Variants in GPC5 observed in about 807,000 individuals in gnomAD.
GPC5 encodes glypican-5.
In GPC5, 47 loss-of-function variants were observed where a neutral mutation model predicts 53.9. The observed-to-expected ratio is 0.87, with a 90% CI of 0.69 to 1.11. The LOEUF is 1.11. Among genes scored for constraint, GPC5 ranks in the 50% most tolerant of loss-of-function variants. GPC5 has a pLI of 0.00. For synonymous variants in GPC5, 286 were observed against 263.3 expected, an observed-to-expected ratio of 1.09 and a Z score of -0.84; for missense variants, 748 against 713.1, an observed-to-expected ratio of 1.05 and a Z score of -0.56.
chr13:91,648,318 G>GA (rs2139536272), intron 2 of GPC5, among the ~76,000 whole-genome samples: 1 of 152,084 alleles, frequency 6.6e-6, no homozygotes, highest in South Asian at 2.1e-4. Context: ...ATCTTTCCAT[G>GA]AAAAGCAAAA....
chr13:91,727,511 A>G (rs998014083), intron 3 of GPC5, among the ~76,000 whole-genome samples: 6 of 152,226 alleles, frequency 3.9e-5, no homozygotes, highest in Admixed American at 3.3e-4. Flanking sequence ...ATAACATTTA[A>G]TATATGTGCT....
chr13:92,671,124 G>A (rs1403656259), intron 7 of GPC5, among the ~76,000 whole-genome samples: 9 of 137,746 alleles, frequency 6.5e-5, no homozygotes, highest in Non-Finnish European at 1.3e-4. Context: ...CAACAGACAT[G>A]CTAGAAATCT....
At chr13:92,638,930 T>C (rs1468941181) in intron 7 of GPC5, among the ~76,000 whole-genome samples, 1 of 152,204 alleles carries the variant, frequency 6.6e-6, no homozygotes, top group Admixed American at 6.5e-5. Flanking sequence ...CAAATACAGA[T>C]TTTGAAAAAT....
intron 5 of GPC5, among the ~76,000 whole-genome samples, chr13:91,828,120 A>C (rs1450537895): frequency 6.6e-6 from 1 of 152,140 alleles, no homozygotes; most frequent in East Asian, 1.9e-4. Context: ...TTGAAATCTA[A>C]TGATGCACAA....
At chr13:92,154,896 T>C (rs562318921) in intron 7 of GPC5, among the ~76,000 whole-genome samples, 33 of 152,354 alleles carry the variant, frequency 2.2e-4, no homozygotes, top group African/African-American at 7.2e-4. Context: ...ACATTAAATA[T>C]AACACATTAT....
chr13:91,590,566 T>C (rs2032759714), intron 2 of GPC5, among the ~76,000 whole-genome samples: 2 of 152,318 alleles, frequency 1.3e-5, no homozygotes, highest in East Asian at 1.9e-4. Flanking sequence ...TGGTAATATA[T>C]TAGTAAATTT....
chr13:91,594,339 C>T (rs1248504926), intron 2 of GPC5, among the ~76,000 whole-genome samples: 1 of 152,108 alleles, frequency 6.6e-6, no homozygotes, highest in Non-Finnish European at 1.5e-5. Context: ...TGTATGGTCT[C>T]ATTATTTCTA....
chr13:92,846,318 A>G (rs887218194), intron 7 of GPC5, among the ~76,000 whole-genome samples: 15 of 152,172 alleles, frequency 9.9e-5, no homozygotes, highest in Non-Finnish European at 2.9e-5. Flanking sequence ...CACAATTTGG[A>G]TTATAATCCA....
chr13:91,966,726 C>T (rs763841229), intron 6 of GPC5, among the ~76,000 whole-genome samples: 33 of 152,096 alleles, frequency 2.2e-4, no homozygotes, highest in Non-Finnish European at 2.4e-4. Context: ...ATGCATTGAT[C>T]ATGAGCTGAA....
At chr13:91,479,406 A>G (rs974181397) in intron 2 of GPC5, among the ~76,000 whole-genome samples, 2 of 152,128 alleles carry the variant, frequency 1.3e-5, no homozygotes, top group Admixed American at 1.3e-4. Context: ...CAAATTGTAC[A>G]CTGTATGCAT....
chr13:92,254,344 C>T (rs973977690), intron 7 of GPC5, among the ~76,000 whole-genome samples: 2 of 152,082 alleles, frequency 1.3e-5, no homozygotes, highest in African/African-American at 4.8e-5. Context: ...TAGTGGAAAC[C>T]TCTTTGAAGA....
At chr13:92,380,993 C>A (rs2043734443) in intron 7 of GPC5, among the ~76,000 whole-genome samples, 1 of 152,078 alleles carries the variant, frequency 6.6e-6, no homozygotes, top group African/African-American at 2.4e-5. Flanking sequence ...TCCATGACCA[C>A]ATGAAAACCT....
At chr13:92,719,115 G>A (rs934144801) in intron 7 of GPC5, among the ~76,000 whole-genome samples, 15 of 151,628 alleles carry the variant, frequency 9.9e-5, no homozygotes, top group Admixed American at 4.6e-4. Flanking sequence ...AATAAAAAAT[G>A]TTGTCTCTAA....
chr13:92,060,733 A>G lies in GPC5; in HGVS notation c.1402-84097A>G, dbSNP rs1410802661. Among the ~76,000 whole-genome samples, 2 of 151,950 alleles carry G rather than the reference A, an allele frequency of 1.3e-5. 1 individual carries two copies. The highest frequency in any genetic ancestry group is 4.8e-5 in the African/African-American group (2 of 41,292). The stretch of plus-strand genomic sequence containing the variant: ...TATATCGAATAAAAAGGTGAAGTGT[A>G]ATTACATACAATGCTTGTCAAATTG... On this transcript the variant is annotated intron_variant, in intron 6 of 7. Transcript: ENST00000377067.
chr13:91,878,255 A>C (rs1037676453), intron 5 of GPC5, among the ~76,000 whole-genome samples: 1 of 152,214 alleles, frequency 6.6e-6, no homozygotes, highest in Admixed American at 6.5e-5. Context: ...CCTCATAGTT[A>C]TAACACTATT....
intron 2 of GPC5, among the ~76,000 whole-genome samples, chr13:91,487,598 T>C (rs1883687494): frequency 6.6e-6 from 1 of 152,208 alleles, no homozygotes; most frequent in Non-Finnish European, 1.5e-5. Context: ...CGTGGTGTTA[T>C]ATTTTGGGGT....
At chr13:92,485,224 C>A (rs990652820) in intron 7 of GPC5, among the ~76,000 whole-genome samples, 2 of 152,098 alleles carry the variant, frequency 1.3e-5, no homozygotes, top group Non-Finnish European at 2.9e-5. Context: ...TGTTTTTATG[C>A]AATATATTTT....
At chr13:91,481,934 T>C (rs1292305681) in intron 2 of GPC5, among the ~76,000 whole-genome samples, 1 of 152,082 alleles carries the variant, frequency 6.6e-6, no homozygotes, top group Non-Finnish European at 1.5e-5. Context: ...GGAATCTGGG[T>C]CCACTAGACA....
At chr13:92,819,383 C>T (rs1877598196) in intron 7 of GPC5, among the ~76,000 whole-genome samples, 1 of 152,092 alleles carries the variant, frequency 6.6e-6, no homozygotes. Flanking sequence ...AAGAAGTTGG[C>T]CCTACAAAAC....
Sources: gnomAD v4.1 joint callset for allele counts (sites outside exome capture counted in the v4.1 genomes callset) on GRCh38, gnomAD v4.1.1 for gene constraint, MANE v1.5 for transcripts, NCBI Gene and HGNC (gene_info 2026-07-23, HGNC 2026-07-21) for gene names.